RAB31: variants seen among roughly 807,000 people sequenced by gnomAD.
The protein encoded by RAB31 is ras-related protein Rab-31.
Under a neutral mutation model 25.6 loss-of-function variants are expected in RAB31, and 21 were observed. That is an observed-to-expected ratio of 0.82 (90% CI 0.58 to 1.18). The LOEUF is 1.18. Among genes scored for constraint, RAB31 ranks in the 50% most tolerant of loss-of-function variants. The pLI is 0.00. For missense variants in RAB31, 196 were observed against 250.1 expected, an observed-to-expected ratio of 0.78 and a Z score of 1.46; for synonymous variants, 87 against 84.0, an observed-to-expected ratio of 1.04 and a Z score of -0.20.
chr18:9,755,836 G>A (rs779786165), intron 1 of RAB31, among the ~76,000 whole-genome samples: 14 of 152,314 alleles, frequency 9.2e-5, no homozygotes, highest in Middle Eastern at 3.4e-3. Context: ...AAGAGGAAGT[G>A]GGGGCTTTTG....
intron 5 of RAB31, among the ~76,000 whole-genome samples, chr18:9,820,379 T>A (rs1194104808): frequency 6.6e-6 from 1 of 152,116 alleles, no homozygotes; most frequent in African/African-American, 2.4e-5. Flanking sequence ...TAATCCTTTT[T>A]ATACATTGCT....
intron 6 of RAB31, among the ~76,000 whole-genome samples, chr18:9,854,114 T>C (rs2068803482): frequency 6.6e-6 from 1 of 152,066 alleles, no homozygotes; most frequent in South Asian, 2.1e-4. Flanking sequence ...TTTGTCCTAA[T>C]GCTCTCGCTC....
chr18:9,739,111 T>C (rs985994258), intron 1 of RAB31, among the ~76,000 whole-genome samples: 2 of 152,198 alleles, frequency 1.3e-5, no homozygotes, highest in Non-Finnish European at 2.9e-5. Context: ...AAGAAATGGA[T>C]TGTAATGCAT....
intron 5 of RAB31, among the ~76,000 whole-genome samples, chr18:9,832,430 A>G (rs2068683475): frequency 6.6e-6 from 1 of 152,256 alleles, no homozygotes. Context: ...GAAGATCATC[A>G]GGGGCAAACC....
chr18:9,802,622 C>T (rs182159927), intron 3 of RAB31, among the ~76,000 whole-genome samples: 2 of 152,316 alleles, frequency 1.3e-5, no homozygotes, highest in East Asian at 1.9e-4. Context: ...ATCTGGCCAC[C>T]CCAGGCTGTT....
intron 5 of RAB31, among the ~76,000 whole-genome samples, chr18:9,829,906 T>C (rs2068668741): frequency 6.6e-6 from 1 of 152,164 alleles, no homozygotes; most frequent in Non-Finnish European, 1.5e-5. Flanking sequence ...AAATATATAC[T>C]TGATGCTATT....
intron 3 of RAB31, among the ~76,000 whole-genome samples, chr18:9,808,965 TGCC>T (rs1347533027): frequency 6.6e-6 from 1 of 151,704 alleles, no homozygotes; most frequent in Non-Finnish European, 1.5e-5. Flanking sequence ...TAAGGAATGT[TGCC>T]TGAGGCAGAG....
At chr18:9,857,904 C>T (rs1362932616) in intron 6 of RAB31, among the ~76,000 whole-genome samples, 2 of 151,878 alleles carry the variant, frequency 1.3e-5, no homozygotes, top group Non-Finnish European at 2.9e-5. Context: ...GTGGCGCACA[C>T]CTATAGTCCC....
chr18:9,808,394 G>A (rs1474446852), intron 3 of RAB31, among the ~76,000 whole-genome samples: 1 of 152,124 alleles, frequency 6.6e-6, no homozygotes, highest in African/African-American at 2.4e-5. Context: ...TCCCAGTCCC[G>A]TTTCATTCAA....
chr18:9,732,095 T>C (rs945279437), intron 1 of RAB31, among the ~76,000 whole-genome samples: 5 of 152,146 alleles, frequency 3.3e-5, no homozygotes, highest in African/African-American at 1.2e-4. Flanking sequence ...CCAGCCTCCG[T>C]CTCCCTCAGC....
chr18:9,813,316 C>A (rs1187578330), intron 3 of RAB31, among the ~76,000 whole-genome samples: 2 of 152,176 alleles, frequency 1.3e-5, no homozygotes, highest in Non-Finnish European at 2.9e-5. Context: ...GTGATCTTTG[C>A]CAGTGTTCCC....
chr18:9,727,015 GTTTT>G (rs962241451), intron 1 of RAB31, among the ~76,000 whole-genome samples: 8 of 151,924 alleles, frequency 5.3e-5, no homozygotes, highest in African/African-American at 1.9e-4. Context: ...TAGGATCTTT[GTTTT>G]TTTTAGGTAC....
chr18:9,845,308 T>C (rs2068755663), intron 5 of RAB31, among the ~76,000 whole-genome samples: 1 of 152,216 alleles, frequency 6.6e-6, no homozygotes, highest in South Asian at 2.1e-4. Flanking sequence ...TACTGCCATA[T>C]TTGTCATGGT....
chr18:9,832,469 G>T (rs554795622), intron 5 of RAB31, among the ~76,000 whole-genome samples: 1 of 152,208 alleles, frequency 6.6e-6, no homozygotes, highest in Admixed American at 6.5e-5. Flanking sequence ...AGCACAGACC[G>T]TCAGCAACCT....
chr18:9,809,055 TGC>T (rs879032484), intron 3 of RAB31, among the ~76,000 whole-genome samples: 12 of 151,322 alleles, frequency 7.9e-5, no homozygotes, highest in Non-Finnish European at 1.0e-4. Context: ...TGTGTGTGTG[TGC>T]GCGCGCACGC....
At chr18:9,756,893 C>T (rs149396991) in intron 1 of RAB31, among the ~76,000 whole-genome samples, 16 of 152,320 alleles carry the variant, frequency 1.1e-4, no homozygotes, top group African/African-American at 3.6e-4. Flanking sequence ...AACTCCCTAA[C>T]GAAGTAACTG....
intron 1 of RAB31, among the ~76,000 whole-genome samples, chr18:9,744,505 C>T (rs906149741): frequency 2.0e-5 from 3 of 152,112 alleles, no homozygotes; most frequent in Admixed American, 2.0e-4. Flanking sequence ...CATTTTGTAT[C>T]TGTATGAGAG....
intron 1 of RAB31, among the ~76,000 whole-genome samples, chr18:9,754,487 T>A (rs1357207647): frequency 6.6e-6 from 1 of 151,834 alleles, no homozygotes; most frequent in Non-Finnish European, 1.5e-5. Flanking sequence ...ACCATGTTGG[T>A]CAGGCTGCTC....
chr18:9,743,459 T>C (rs2068189914), intron 1 of RAB31, among the ~76,000 whole-genome samples: 2 of 152,238 alleles, frequency 1.3e-5, no homozygotes. Flanking sequence ...TGTTATTTTC[T>C]AGATTTCCTG....
Sources: allele counts gnomAD v4.1 joint callset (sites outside exome capture counted in the v4.1 genomes callset), GRCh38; gene constraint gnomAD v4.1.1; transcripts MANE v1.5; gene names NCBI Gene and HGNC (gene_info 2026-07-23, HGNC 2026-07-21).